FCHSD2: variants seen among roughly 807,000 people sequenced by gnomAD.
The protein encoded by FCHSD2 is F-BAR and double SH3 domains protein 2.
A neutral mutation model predicts 108.1 loss-of-function variants in FCHSD2; 38 were observed. The observed-to-expected ratio is 0.35, with a 90% confidence interval of 0.27 to 0.46. The LOEUF is 0.46. FCHSD2 is among the 20% of genes least tolerant of loss of function. The probability of loss-of-function intolerance (pLI) is 1.00; values close to 1 mark genes in which losing one functional copy is unlikely to be tolerated. For synonymous variants in FCHSD2, 279 were observed against 314.7 expected, an observed-to-expected ratio of 0.89 and a Z score of 1.20; for missense variants, 751 against 897.8, an observed-to-expected ratio of 0.84 and a Z score of 2.09.
At chr11:72,845,140 G>T (rs571553947) in intron 14 of FCHSD2, among the ~76,000 whole-genome samples, 3 of 152,170 alleles carry the variant, frequency 2.0e-5, no homozygotes, top group Non-Finnish European at 4.4e-5. Context: ...CTATGGAGAG[G>T]CTGAGTGAGG....
Position 72,921,896 on chromosome 11 carries a change from G to A in FCHSD2, c.760C>T (p.Arg254Trp), listed in dbSNP as rs1225444368. Reference protein sequence around the residue: ...HLKDYLIAFSRTELETCQAVQ... With the variant: ...HLKDYLIAFSWTELETCQAVQ... Reference sequence around the variant, plus strand: ...GCTTGGCATGTTTCTAGCTCAGTCCGGCTGAAGGCTATTAAATAATCCTTG... The same window carrying A: ...GCTTGGCATGTTTCTAGCTCAGTCCAGCTGAAGGCTATTAAATAATCCTTG... Residue 254 changes from arginine to tryptophan, a missense_variant, in exon 9 of 20, where the codon CGG (arginine) becomes TGG (tryptophan). Physicochemically the swap from Arg to Trp is moderately radical, Grantham distance 101 (BLOSUM62 -3). Coordinates refer to ENST00000409418, the MANE Select transcript of FCHSD2 (RefSeq NM_014824.3). The A allele has an allele frequency of 3.1e-6, 5 of 1,603,758 alleles. No individual in the cohort carries two copies. Among genetic ancestry groups the A allele is most frequent in the Admixed American group, 1.7e-5 (1 of 58,716 alleles).
intron 2 of FCHSD2, among the ~76,000 whole-genome samples, chr11:73,128,766 G>A (rs1407065661): frequency 6.6e-6 from 1 of 152,348 alleles, no homozygotes; most frequent in African/African-American, 2.4e-5. Context: ...ACTAACCGTG[G>A]TGAAAGATTC....
At chr11:72,858,343 A>AATAGC (rs1409799731) in intron 13 of FCHSD2, among the ~76,000 whole-genome samples, 4 of 152,262 alleles carry the variant, frequency 2.6e-5, no homozygotes, top group African/African-American at 9.6e-5. Context: ...CACTATTCAC[A>AATAGC]ATAGCAAAGA....
chr11:73,137,814 A>C (rs1861158587), intron 2 of FCHSD2, among the ~76,000 whole-genome samples: 1 of 152,232 alleles, frequency 6.6e-6, no homozygotes. Flanking sequence ...AGGGGGAAGA[A>C]AGAGGAAGGA....
chr11:72,896,399 G>A (rs370324130), intron 10 of FCHSD2, among the ~76,000 whole-genome samples: 2 of 152,230 alleles, frequency 1.3e-5, no homozygotes, highest in African/African-American at 4.8e-5. Flanking sequence ...TCCCAGCTTC[G>A]CTTTGTCCTT....
At position 72,838,730 on chromosome 11, in the gene FCHSD2, A is replaced by T; in HGVS notation, c.*61T>A. On this transcript the variant is annotated 3_prime_UTR_variant, in exon 20 of 20. Transcript: ENST00000409418. ...ATCATGCAAAGGTGCCTAAAAAACA[A>T]GACTGGCCAAACTCCAAGCCTGGCC... 7.0e-7 allele frequency: 1 copy of T among 1,426,784 alleles called. No individual in the cohort carries two copies. Among genetic ancestry groups the T allele is most frequent in the Non-Finnish European group, 9.7e-7 (1 of 1,033,388 alleles). The allele number at this position is 1,426,784 out of a possible 1,614,324, so 88.4% of individuals were successfully genotyped here.
chr11:72,932,667 A>G (rs1204895095), intron 8 of FCHSD2, among the ~76,000 whole-genome samples: 3 of 151,878 alleles, frequency 2.0e-5, no homozygotes, highest in South Asian at 2.1e-4. Context: ...GGATATCTCT[A>G]TTGTCTTTTT....
At chr11:73,071,634 G>A (rs1439455426) in intron 3 of FCHSD2, among the ~76,000 whole-genome samples, 1 of 152,032 alleles carries the variant, frequency 6.6e-6, no homozygotes, top group African/African-American at 2.4e-5. Flanking sequence ...CTGAGAGGCA[G>A]AGGCTGCAGT....
At position 73,089,431 on chromosome 11, in the gene FCHSD2, G is replaced by C. The variant is rs562132699; in HGVS notation, c.120-5691C>G. The stretch of plus-strand genomic sequence containing the variant: ...TATGATCCAACAATTCTATTCCTAG[G>C]TGTATATCCATGAAAACTTAAAACA... On this transcript the variant is annotated intron_variant, in intron 2 of 19. Coordinates refer to ENST00000409418, the MANE Select transcript of FCHSD2 (RefSeq NM_014824.3). Among the ~76,000 whole-genome samples the C allele has an allele frequency of 5.3e-5, 8 of 152,280 alleles. No individual in the cohort carries two copies. The South Asian group carries it at 1.5e-3, about 28-fold the overall frequency.
chr11:73,129,998 C>T (rs893823855), intron 2 of FCHSD2, among the ~76,000 whole-genome samples: 1 of 151,326 alleles, frequency 6.6e-6, no homozygotes, highest in African/African-American at 2.4e-5. Context: ...CCTGCCTTAG[C>T]CCCCACCGAG....
intron 3 of FCHSD2, among the ~76,000 whole-genome samples, chr11:73,053,391 A>G (rs1297384631): frequency 5.3e-5 from 8 of 152,204 alleles, no homozygotes; most frequent in African/African-American, 1.7e-4. Context: ...AATGAAAGAT[A>G]GAAAATGAAT....
At position 72,985,095 on chromosome 11, in the gene FCHSD2, T is replaced by A; in HGVS notation, c.543A>T (p.Gln181His). Residue 181 changes from glutamine to histidine, a missense_variant, in exon 7 of 20, where the codon CAA becomes CAT. By Grantham distance (24) the Gln-to-His change is conservative (BLOSUM62 0). Transcript: ENST00000409418. The part of the protein sequence containing the change: ...IEAKSKLSLF[Q>H]SRISLQKASV... ...TTGCCTTCTGTAAACTGATTCTTGA[T>A]TGAAAAAGACTAAGTTTAGATCTAT... 1 of 1,252,032 alleles carries A rather than the reference T, an allele frequency of 8.0e-7. No homozygotes were observed. Among genetic ancestry groups the A allele is most frequent in the East Asian group, 2.6e-5 (1 of 39,114 alleles). 77.6% of individuals were successfully genotyped at this position (1,252,032 alleles called of 1,614,324 possible).
At chr11:72,945,829 A>G (rs1383025082) in intron 8 of FCHSD2, among the ~76,000 whole-genome samples, 1 of 152,236 alleles carries the variant, frequency 6.6e-6, no homozygotes, top group Non-Finnish European at 1.5e-5. Flanking sequence ...AGAAATGCAA[A>G]TCAAAACCAC....
chr11:72,871,112 T>C (rs1447653663), intron 12 of FCHSD2, among the ~76,000 whole-genome samples: 2 of 152,140 alleles, frequency 1.3e-5, no homozygotes, highest in African/African-American at 2.4e-5. Context: ...CCATAAACCA[T>C]AAACAAGTAA....
intron 3 of FCHSD2, among the ~76,000 whole-genome samples, chr11:73,050,504 T>C (rs1858873408): frequency 6.6e-6 from 1 of 152,210 alleles, no homozygotes; most frequent in Admixed American, 6.5e-5. Context: ...CTGCTGAATA[T>C]ATAAGGCTCT....
At chr11:72,838,978 A>AG in intron 19 of FCHSD2, 104 bp from the exon 20 acceptor site, 5 of 938,930 alleles carry the variant, frequency 5.3e-6, no homozygotes, top group South Asian at 4.4e-5. Context: ...TGGGCACCCT[A>AG]GGGGTCTCAG....
Position 72,959,853 on chromosome 11 carries a change from G to GGTGTGTGTGTGT in FCHSD2, c.705+24223_705+24234dup, listed in dbSNP as rs58451717. Reference sequence around the variant, plus strand: ...AATTTCCCTGATTTTAAGTTTCTAGGGTGTGTGTGTGTGTGTGTGTGTGTG... The same window carrying GGTGTGTGTGTGT: ...AATTTCCCTGATTTTAAGTTTCTAGGGTGTGTGTGTGTGTGTGTGTGTGTGTGTGTGTGTGTG... On this transcript the variant is annotated intron_variant, in intron 8 of 19. Transcript: ENST00000409418. Among the ~76,000 whole-genome samples, 819 of 145,880 alleles carry GGTGTGTGTGTGT rather than the reference G, an allele frequency of 5.6e-3. 4 individuals are homozygous for GGTGTGTGTGTGT. Among genetic ancestry groups the GGTGTGTGTGTGT allele is most frequent in the African/African-American group, 0.013 (513 of 39,614 alleles).
chr11:72,913,020 C>T (rs1165064687), intron 9 of FCHSD2, among the ~76,000 whole-genome samples: 3 of 152,130 alleles, frequency 2.0e-5, no homozygotes, highest in Non-Finnish European at 4.4e-5. Flanking sequence ...GGGGAAGCAG[C>T]TTTGTCTTAC....
chr11:73,107,660 T>C (rs1402661944), intron 2 of FCHSD2, among the ~76,000 whole-genome samples: 1 of 152,232 alleles, frequency 6.6e-6, no homozygotes, highest in African/African-American at 2.4e-5. Flanking sequence ...TTCAAATGTT[T>C]TCATTTTTAG....
Sources: allele counts gnomAD v4.1 joint callset (sites outside exome capture counted in the v4.1 genomes callset), GRCh38; gene constraint gnomAD v4.1.1; transcripts MANE v1.5; gene names NCBI Gene and HGNC (gene_info 2026-07-23, HGNC 2026-07-21).